SVIL: variants seen among roughly 807,000 people sequenced by gnomAD.
The protein encoded by SVIL is archvillin.
SVIL carries 101 observed loss-of-function variants against 240.4 expected under a neutral mutation model. The ratio of observed to expected loss-of-function variants is 0.42; its 90% CI spans 0.36 to 0.50. The LOEUF is 0.50. Among genes scored for constraint, SVIL ranks in the 20% least tolerant of loss-of-function variants. The pLI, the probability that SVIL is intolerant of heterozygous loss-of-function variation, is 0.01. For synonymous variants in SVIL, 999 were observed against 1,100.0 expected, an observed-to-expected ratio of 0.91 and a Z score of 1.82; for missense variants, 2,512 against 2,818.7, an observed-to-expected ratio of 0.89 and a Z score of 2.46.
At chr10:29,691,299 C>T (rs1345309910) in intron 1 of SVIL, among the ~76,000 whole-genome samples, 1 of 151,758 alleles carries the variant, frequency 6.6e-6, no homozygotes, top group Admixed American at 6.6e-5. Flanking sequence ...GCAAGCTCCA[C>T]CTCCCAGGTT....
chr10:29,671,258 A>G (rs1212760330), intron 2 of SVIL, among the ~76,000 whole-genome samples: 1 of 152,216 alleles, frequency 6.6e-6, no homozygotes, highest in Admixed American at 6.5e-5. Context: ...ATCAGCCAAG[A>G]GAAAAATCTC....
intron 16 of SVIL, among the ~76,000 whole-genome samples, chr10:29,515,976 G>T (rs555929767): frequency 2.0e-5 from 3 of 152,266 alleles, no homozygotes; most frequent in African/African-American, 7.2e-5. Context: ...GACAAGGAAC[G>T]TGGGTACATC....
At chr10:29,563,045 A>AG (rs974802515) in intron 3 of SVIL, among the ~76,000 whole-genome samples, 156 bp downstream of exon 3, 2 of 152,080 alleles carry the variant, frequency 1.3e-5, no homozygotes, top group African/African-American at 4.8e-5. Context: ...GCATGGAGAG[A>AG]GGGGGAAGGG....
chr10:29,523,778 C>T lies in SVIL; in HGVS notation c.2836G>A (p.Glu946Lys). 6.2e-7 allele frequency: 1 copy of T among 1,614,226 alleles called. No individual in the cohort carries two copies. Among genetic ancestry groups the T allele is most frequent in the Non-Finnish European group, 8.5e-7 (1 of 1,180,034 alleles). The part of the protein sequence containing the change: ...EGSENKGMLR[E>K]YGETESKRAL... ...CTCTTGCTTTCTGTCTCTCCATATT[C>T]TCTCAACATTCCCTTGTTCTCGCTA... is the stretch of plus-strand genomic sequence containing the variant. Residue 946 changes from glutamate to lysine, a missense_variant, in exon 15 of 38, where the codon GAA becomes AAA. Physicochemically the swap from Glu to Lys is moderately conservative, Grantham distance 56. This residue lies in a region of SVIL where 1,443 missense variants were observed against 1,486.6 expected (regional missense o/e 0.97). Transcript: ENST00000355867.
chr10:29,551,896 AGGC>A (rs758761509), intron 5 of SVIL, among the ~76,000 whole-genome samples: 7 of 152,176 alleles, frequency 4.6e-5, no homozygotes, highest in Non-Finnish European at 7.3e-5. Flanking sequence ...GGGTGGCTGG[AGGC>A]CAGGAGTTCG....
chr10:29,702,960 A>T (rs947392186), intron 1 of SVIL, among the ~76,000 whole-genome samples: 2 of 152,152 alleles, frequency 1.3e-5, no homozygotes, highest in Non-Finnish European at 2.9e-5. Context: ...ATATTCGTTA[A>T]ATGAATGAGT....
chr10:29,492,519 C>T (rs904353526), intron 21 of SVIL, among the ~76,000 whole-genome samples: 1 of 151,832 alleles, frequency 6.6e-6, no homozygotes, highest in African/African-American at 2.4e-5. Flanking sequence ...TGTTCAGTGG[C>T]TGAGCCGGCA....
At chr10:29,688,573 T>G (rs923729508) in intron 1 of SVIL, among the ~76,000 whole-genome samples, 7 of 152,224 alleles carry the variant, frequency 4.6e-5, no homozygotes, top group Non-Finnish European at 8.8e-5. Context: ...CTTAGTTTGT[T>G]TCTTCCTGTT....
In SVIL at chr10:29,473,896, C is replaced by T; in HGVS notation, c.5471G>A (p.Ser1824Asn). ...CATCAGCGCCGACGTGCCCTTCTCA[C>T]TCACGGTGGAGTGCCGGCCTTGCCA... ...FFWQGRHSTV[S>N]EKGTSALMTV... Residue 1824 changes from serine (S) to asparagine (N), a missense_variant, in exon 30 of 38, where the codon AGT becomes AAT. Ser to Asn is a conservative substitution (Grantham distance 46). This residue lies in a region of SVIL where 797 missense variants were observed against 925.3 expected (regional missense o/e 0.86). Coordinates refer to ENST00000355867, the MANE Select transcript of SVIL (RefSeq NM_021738.3). 1.2e-6 allele frequency: 2 copies of T among 1,614,110 alleles called. No homozygotes were observed. The highest frequency in any genetic ancestry group is 1.7e-6 in the Non-Finnish European group (2 of 1,180,014).
intron 6 of SVIL, among the ~76,000 whole-genome samples, chr10:29,539,352 T>C (rs1951976375): frequency 1.3e-5 from 2 of 152,184 alleles, no homozygotes; most frequent in African/African-American, 4.8e-5. Flanking sequence ...GGAGACCCAA[T>C]TCAGAAGTCA....
chr10:29,725,594 C>T (rs1201909839), intron 1 of SVIL, among the ~76,000 whole-genome samples: 1 of 152,058 alleles, frequency 6.6e-6, no homozygotes, highest in Non-Finnish European at 1.5e-5. Context: ...TTCTGCAGGC[C>T]TGAAATAGAG....
chr10:29,569,374 G>A (rs1175914524), intron 1 of SVIL, 62 bp from the exon 2 acceptor site: 55 of 824,692 alleles, frequency 6.7e-5, no homozygotes, highest in Non-Finnish European at 7.3e-5. Flanking sequence ...AATCCGGTGA[G>A]AAAAAACTCT....
intron 17 of SVIL, among the ~76,000 whole-genome samples, chr10:29,503,832 G>C (rs575675545): frequency 6.6e-6 from 1 of 152,290 alleles, no homozygotes; most frequent in African/African-American, 2.4e-5. Flanking sequence ...AGATTTTGTA[G>C]ATATTGACAA....
intron 1 of SVIL, among the ~76,000 whole-genome samples, chr10:29,606,484 ACT>A (rs1957027286): frequency 6.6e-6 from 1 of 152,050 alleles, no homozygotes; most frequent in South Asian, 2.1e-4. Flanking sequence ...TCTCTCTCTG[ACT>A]CTGTCTCTCA....
chr10:29,660,436 A>G (rs929872350), intron 2 of SVIL, among the ~76,000 whole-genome samples: 1 of 152,076 alleles, frequency 6.6e-6, no homozygotes, highest in Non-Finnish European at 1.5e-5. Flanking sequence ...ACATAGCAAG[A>G]CCCTGTGTTT....
chr10:29,555,914 C>T (rs1386340236), intron 3 of SVIL, among the ~76,000 whole-genome samples: 4 of 152,208 alleles, frequency 2.6e-5, no homozygotes, highest in East Asian at 1.9e-4. Context: ...CTAAAGTGGC[C>T]GCTTCAATTA....
Position 29,471,214 on chromosome 10 carries a change from G to T in SVIL, c.5559C>A (p.Pro1853=). The T allele has an allele frequency of 6.2e-7, 1 of 1,613,014 alleles. No individual in the cohort carries two copies. Among genetic ancestry groups the T allele is most frequent in the Non-Finnish European group, 8.5e-7 (1 of 1,179,210 alleles). ...CCCCCTGGAAACACTGCAGGAAACA[G>T]GGGGGCTCCTTTCCCTGGAGAACCT... ...QVQVLQGKEP[P]CFLQCFQGGM... Residue 1853 remains proline, a synonymous_variant, in exon 31 of 38, where the codon CCC becomes CCA. Transcript: ENST00000355867.
At chr10:29,688,375 G>A (rs775290334) in intron 1 of SVIL, among the ~76,000 whole-genome samples, 9 of 152,326 alleles carry the variant, frequency 5.9e-5, no homozygotes, top group East Asian at 3.9e-4. Flanking sequence ...TCCCTAGAGT[G>A]TGGCAGGGGC....
chr10:29,523,359 A>G (rs554441349), intron 15 of SVIL, 92 bp downstream of exon 15: 1 of 1,218,774 alleles, frequency 8.2e-7, no homozygotes, highest in Admixed American at 2.5e-5. Context: ...TGCCTATAGA[A>G]CTTTGTTAAA....
Sources: allele counts gnomAD v4.1 joint callset (sites outside exome capture counted in the v4.1 genomes callset), GRCh38; gene constraint gnomAD v4.1.1; regional missense constraint gnomAD v4.1.1; transcripts MANE v1.5; gene names NCBI Gene and HGNC (gene_info 2026-07-23, HGNC 2026-07-21).